MUC5AC: variants seen among roughly 807,000 people sequenced by gnomAD.
MUC5AC encodes mucin-5AC.
A neutral mutation model predicts 169.7 loss-of-function variants in MUC5AC; 158 were observed. The observed-to-expected ratio is 0.93, with a 90% CI of 0.82 to 1.06. The LOEUF (loss-of-function observed/expected upper bound fraction) is 1.06. MUC5AC is among the 50% of genes least tolerant of loss of function. The pLI is 0.00. For missense variants in MUC5AC, 4,359 were observed against 3,089.9 expected (o/e 1.41, Z -9.74); for synonymous variants, 1,975 against 1,237.0 (o/e 1.60, Z -12.52).
rs970677101 is a variant in MUC5AC at position 1,180,529 on chromosome 11, G to C, written c.3776+13G>C. On this transcript the variant is annotated intron_variant, in intron 28 of 48. Transcript: ENST00000621226. Reference sequence around the variant, plus strand: ...ACTGCCAGTCCTGGTGAGTCCTTTGGGGGGAGGAATATGGAGCCTGCAGCA... The same window carrying C: ...ACTGCCAGTCCTGGTGAGTCCTTTGCGGGGAGGAATATGGAGCCTGCAGCA... 80 of 398,816 alleles carry C rather than the reference G, an allele frequency of 2.0e-4. No homozygotes were observed. The highest frequency in any genetic ancestry group is 6.6e-4 in the African/African-American group (32 of 48,770). The allele number at this position is 398,816 out of a possible 1,614,324, so 24.7% of individuals were successfully genotyped here.
intron 12 of MUC5AC, 124 bp downstream of exon 12, chr11:1,168,111 C>A: frequency 1.2e-6 from 1 of 820,034 alleles, no homozygotes; most frequent in Non-Finnish European, 2.0e-6. Context: ...CCTCTGGCAA[C>A]ACTGGCTGTG....
chr11:1,198,469 G>A (rs1425531917), intron 43 of MUC5AC, among the ~76,000 whole-genome samples, 164 bp downstream of exon 43: 3 of 151,716 alleles, frequency 2.0e-5, no homozygotes, highest in Admixed American at 1.3e-4. Flanking sequence ...GCCCGAGGTC[G>A]GCCCCAGGTC....
Position 1,182,195 on chromosome 11 carries a change from C to A in MUC5AC, c.4050C>A (p.Ser1350Arg). 1 of 398,724 alleles carries A rather than the reference C, an allele frequency of 2.5e-6. No homozygotes were observed. Among genetic ancestry groups the A allele is most frequent in the South Asian group, 1.3e-4 (1 of 7,872 alleles). The allele number at this position is 398,724 out of a possible 1,614,324, so 24.7% of individuals were successfully genotyped here. The change falls in exon 31 of 49, where the codon AGC (serine) becomes AGA (arginine). Residue 1350 changes from serine (S) to arginine (R), a missense_variant. Transcript: ENST00000621226. ...ACACCCCCAGCAATGGCCCAAGCAG[C>A]GCGCACACAGGCCCTCCGAGCAGCG... ...STHTPSNGPSSAHTGPPSSAW... is the reference protein window; with the variant it reads ...STHTPSNGPSRAHTGPPSSAW...
At position 1,195,951 on chromosome 11, in the gene MUC5AC, G is replaced by C. The variant is rs1451312126; in HGVS notation, c.15534G>C (p.Met5178Ile). 1 of 764,946 alleles carries C rather than the reference G, an allele frequency of 1.3e-6. No homozygotes were observed. The highest frequency in any genetic ancestry group is 1.3e-5 in the South Asian group (1 of 74,622). 47.4% of individuals were successfully genotyped at this position (764,946 alleles called of 1,614,324 possible). Residue 5178 changes from methionine (M) to isoleucine (I), a missense_variant, in exon 37 of 49, where the codon ATG becomes ATC. Transcript: ENST00000621226. Reference sequence around the variant, plus strand: ...GCTGCGTCTTTGACCGGTGCCACATGACGGACCTGGATGTGGTGTGCTCCA... The same window carrying C: ...GCTGCGTCTTTGACCGGTGCCACATCACGGACCTGGATGTGGTGTGCTCCA... The part of the protein sequence containing the change: ...YEGCVFDRCH[M>I]TDLDVVCSSL...
Position 1,187,195 on chromosome 11 carries a change from C to T in MUC5AC, c.9050C>T (p.Thr3017Ile), listed in dbSNP as rs1341341637. 3 of 701,950 alleles carry T rather than the reference C, an allele frequency of 4.3e-6. No individual in the cohort carries two copies. The highest frequency in any genetic ancestry group is 7.8e-6 in the Non-Finnish European group (3 of 385,980). 43.5% of individuals were successfully genotyped at this position (701,950 alleles called of 1,614,324 possible). ...ACAACCAGCACACCCTCTGCCCCTACAACCAGCACAACCTTAGCTCCTACA... is the reference window on the plus strand; with the variant it reads ...ACAACCAGCACACCCTCTGCCCCTATAACCAGCACAACCTTAGCTCCTACA... Reference protein sequence around the residue: ...APTTSTPSAPTTSTTLAPTTS... With the variant: ...APTTSTPSAPITSTTLAPTTS... Residue 3017 changes from threonine (T) to isoleucine (I), a missense_variant, in exon 31 of 49, where the codon ACA becomes ATA. Physicochemically the swap from Thr to Ile is moderately conservative, Grantham distance 89. Transcript: ENST00000621226.
Position 1,199,804 on chromosome 11 carries a change from C to T in MUC5AC, c.16585+40C>T, listed in dbSNP as rs779502924. ...TGCTGGGCGGGGCGGGCTCCACCCT[C>T]AGAGGTCTAGGAGCAGCTGGGCTGG... is the stretch of plus-strand genomic sequence containing the variant. On this transcript the variant is annotated intron_variant, in intron 47 of 48. Coordinates refer to ENST00000621226, the MANE Select transcript of MUC5AC (RefSeq NM_001304359.2). 3 of 732,468 alleles carry T rather than the reference C, an allele frequency of 4.1e-6. No individual in the cohort carries two copies. The African/African-American group carries it at 5.1e-5, about 13-fold the overall frequency. 45.4% of individuals were successfully genotyped at this position (732,468 alleles called of 1,614,324 possible). A position where few individuals can be genotyped will look rare whatever the true frequency, so the allele number is the denominator to read the frequency against.
Position 1,180,087 on chromosome 11 carries a change from C to A in MUC5AC, c.3550C>A (p.Pro1184Thr). Residue 1184 changes from proline (P) to threonine (T), a missense_variant, in exon 27 of 49, where the codon CCC becomes ACC. Transcript: ENST00000621226. ...GTGGCACTACCAGCCCTGCGGGGTG[C>A]CCTGCCTGCGCACCTGCCGGAACCC... ...CEWHYQPCGV[P>T]CLRTCRNPRG... 2.5e-6 allele frequency: 1 copy of A among 399,136 alleles called. No homozygotes were observed. Among genetic ancestry groups the A allele is most frequent in the Non-Finnish European group, 4.4e-6 (1 of 226,194 alleles). 24.7% of individuals were successfully genotyped at this position (399,136 alleles called of 1,614,324 possible). A position where few individuals can be genotyped will look rare whatever the true frequency, so the allele number is the denominator to read the frequency against.
At chr11:1,172,616 C>G (rs1320403059) in intron 16 of MUC5AC, 93 bp downstream of exon 16, 6 of 398,290 alleles carry the variant, frequency 1.5e-5, no homozygotes, top group African/African-American at 6.2e-5. Flanking sequence ...GTGGGCTCAG[C>G]AGGCAGGACT....
Position 1,196,871 on chromosome 11 carries a change from T to C in MUC5AC, c.15830-6T>C. On this transcript the variant is annotated splice_region_variant and splice_polypyrimidine_tract_variant and intron_variant, in intron 39 of 48. Transcript: ENST00000621226. ...CCCCAGTAACCTCAGATCTCTCTCC[T>C]TCCAGGGTGTCTGGGGCCCCACGGA... is the stretch of plus-strand genomic sequence containing the variant. 1 of 762,964 alleles carries C rather than the reference T, an allele frequency of 1.3e-6. No homozygotes were observed. The highest frequency in any genetic ancestry group is 2.4e-6 in the Non-Finnish European group (1 of 417,128). The allele number at this position is 762,964 out of a possible 1,614,324, so 47.3% of individuals were successfully genotyped here. A position where few individuals can be genotyped will look rare whatever the true frequency, so the allele number is the denominator to read the frequency against.
At position 1,190,273 on chromosome 11, in the gene MUC5AC, A is replaced by G. The variant is rs1861054973; in HGVS notation, c.12128A>G (p.Asn4043Ser). The G allele has an allele frequency of 1.4e-6, 1 of 716,212 alleles. No individual in the cohort carries two copies. Among genetic ancestry groups the G allele is most frequent in the Non-Finnish European group, 2.5e-6 (1 of 393,522 alleles). The allele number at this position is 716,212 out of a possible 1,614,324, so 44.4% of individuals were successfully genotyped here. The change falls in exon 31 of 49, where the codon AAC becomes AGC. Residue 4043 changes from asparagine (N) to serine (S), a missense_variant. Coordinates refer to ENST00000621226, the MANE Select transcript of MUC5AC (RefSeq NM_001304359.2). Reference protein sequence around the residue: ...DQQGPFKMCLNYEVRVLCCET... With the variant: ...DQQGPFKMCLSYEVRVLCCET... ...CAGGGACCCTTCAAGATGTGCCTCA[A>G]CTACGAGGTGCGTGTGCTCTGCTGC...
At position 1,199,443 on chromosome 11, in the gene MUC5AC, G is replaced by C; in HGVS notation, c.16468G>C (p.Val5490Leu). The change falls in exon 46 of 49, where the codon GTG becomes CTG. Residue 5490 changes from valine to leucine, a missense_variant. Transcript: ENST00000621226. ...HQCEKHQDGL[V>L]VVTTKKACPP... ...GTGTGAGAAGCACCAGGATGGGCTC[G>C]TGGTGGTCACCACGAAGAAGGCGTG... is the stretch of plus-strand genomic sequence containing the variant. 1 of 730,048 alleles carries C rather than the reference G, an allele frequency of 1.4e-6. No individual in the cohort carries two copies. Among genetic ancestry groups the C allele is most frequent in the Non-Finnish European group, 2.5e-6 (1 of 400,302 alleles). 45.2% of individuals were successfully genotyped at this position (730,048 alleles called of 1,614,324 possible).
intron 12 of MUC5AC, among the ~76,000 whole-genome samples, chr11:1,168,259 G>C (rs1041552833): frequency 6.6e-6 from 1 of 152,192 alleles, no homozygotes; most frequent in African/African-American, 2.4e-5. Context: ...CTTCTCCACT[G>C]AAGTCAATTT....
At chr11:1,170,568 C>T (rs1291972554) in intron 15 of MUC5AC, among the ~76,000 whole-genome samples, 1 of 138,544 alleles carries the variant, frequency 7.2e-6, no homozygotes, top group Non-Finnish European at 1.6e-5. Flanking sequence ...CACTCACCCA[C>T]TCACCCACTC....
intron 37 of MUC5AC, 143 bp downstream of exon 37, chr11:1,196,197 C>T: frequency 1.6e-6 from 1 of 624,230 alleles, no homozygotes; most frequent in Non-Finnish European, 2.9e-6. Context: ...GCACCCAGTT[C>T]CCTGGAGAGA....
At chr11:1,193,762 G>T (rs780455731) in intron 33 of MUC5AC, 103 bp downstream of exon 33, 1 of 679,632 alleles carries the variant, frequency 1.5e-6, no homozygotes, top group South Asian at 1.6e-5. Context: ...AAGCAGAAAA[G>T]AATTGGGTGG....
Position 1,191,036 on chromosome 11 carries a change from C to T in MUC5AC, c.12891C>T (p.Pro4297=), listed in dbSNP as rs1861080550. The change falls in exon 31 of 49, where the codon CCC becomes CCT. Residue 4297 remains proline, a synonymous_variant. Transcript: ENST00000621226. ...TGACCTCTGGTCCTGGAACTACTCC[C>T]AGCCCTGTTCCCACCACCAGCACAA... The part of the protein sequence containing the change: ...SSMTSGPGTT[P]SPVPTTSTTS... 1 of 751,538 alleles carries T rather than the reference C, an allele frequency of 1.3e-6. No homozygotes were observed. The highest frequency in any genetic ancestry group is 2.4e-6 in the Non-Finnish European group (1 of 413,920). The allele number at this position is 751,538 out of a possible 1,614,324, so 46.6% of individuals were successfully genotyped here. A position where few individuals can be genotyped will look rare whatever the true frequency, so the allele number is the denominator to read the frequency against.
At chr11:1,169,956 A>AC (rs1860452178) in intron 15 of MUC5AC, among the ~76,000 whole-genome samples, 3 of 126,580 alleles carry the variant, frequency 2.4e-5, no homozygotes, top group Admixed American at 7.9e-5. Context: ...CCACTCACCC[A>AC]TTCACCCACT....
At chr11:1,163,738 C>T in intron 6 of MUC5AC, 144 bp from the exon 7 acceptor site, 2 of 661,100 alleles carry the variant, frequency 3.0e-6, no homozygotes, top group Non-Finnish European at 5.3e-6. Flanking sequence ...GTCAGGACAA[C>T]TCAGGCATCC....
At chr11:1,170,748 T>C (rs1475807865) in intron 15 of MUC5AC, among the ~76,000 whole-genome samples, 77 of 32,734 alleles carry the variant, frequency 2.4e-3, no homozygotes, top group East Asian at 3.7e-3. Flanking sequence ...CATTCACCCA[T>C]TCACTCACTC....
Sources: allele counts gnomAD v4.1 joint callset (sites outside exome capture counted in the v4.1 genomes callset), GRCh38; gene constraint gnomAD v4.1.1; transcripts MANE v1.5; gene names NCBI Gene and HGNC (gene_info 2026-07-23, HGNC 2026-07-21).